Variants in ZNF737 observed in about 807,000 individuals in gnomAD.
The protein encoded by ZNF737 is zinc finger protein 102 (Y3).
A neutral mutation model predicts 11.7 loss-of-function variants in ZNF737; 13 were observed. That is an observed-to-expected ratio of 1.11 (90% CI 0.73 to 1.77). The LOEUF (loss-of-function observed/expected upper bound fraction) is 1.77, where lower values mean the gene tolerates loss of function less well. Ranked by LOEUF, ZNF737 falls within the 40% of genes most tolerant of loss-of-function variation. The probability of loss-of-function intolerance (pLI) is 0.00; values close to 1 mark genes in which losing one functional copy is unlikely to be tolerated. For synonymous variants in ZNF737, 217 were observed against 216.2 expected, an observed-to-expected ratio of 1.00 and a Z score of -0.03; for missense variants, 636 against 638.0, an observed-to-expected ratio of 1.00 and a Z score of 0.03.
At chr19:20,546,014 A>T (rs782107906) in intron 3 of ZNF737, 38 bp from the exon 4 acceptor site, 1 of 1,522,254 alleles carries the variant, frequency 6.6e-7, no homozygotes, top group South Asian at 1.4e-5. Context: ...TTCAATTGGT[A>T]GACTCAGATA....
At chr19:20,533,448 C>T (rs1967878346), downstream of ZNF737, among the ~76,000 whole-genome samples, 1 of 149,632 alleles carries the variant, frequency 6.7e-6, no homozygotes, top group Non-Finnish European at 1.5e-5. Context: ...AATATACATA[C>T]ATGGTAGATA....
At chr19:20,556,624 C>T (rs780408328) in intron 1 of ZNF737, among the ~76,000 whole-genome samples, 119 of 152,324 alleles carry the variant, frequency 7.8e-4, no homozygotes, top group Non-Finnish European at 1.5e-3. Context: ...GAAGCAGTCA[C>T]AGCACATAGT....
downstream of ZNF737, among the ~76,000 whole-genome samples, chr19:20,530,975 T>C (rs181811085): frequency 0.044 from 6,507 of 149,068 alleles, 802 homozygotes; most frequent in African/African-American, 0.15. Context: ...TCTGCAATCC[T>C]GGCACCTCAG....
Position 20,543,243 on chromosome 19 carries a change from C to T in ZNF737, c.*1349G>A. On this transcript the variant is annotated 3_prime_UTR_variant, in exon 4 of 4. Transcript: ENST00000427401. Reference sequence around the variant, plus strand: ...TTCTAAACTTAATACATTTGTAGGACTCATCTCCAATATAAATTCCCTGAT... The same window carrying T: ...TTCTAAACTTAATACATTTGTAGGATTCATCTCCAATATAAATTCCCTGAT... The T allele has an allele frequency of 1.0e-6, 1 of 985,356 alleles. No homozygotes were observed. Among genetic ancestry groups the T allele is most frequent in the South Asian group, 4.7e-5 (1 of 21,280 alleles). 61.0% of individuals were successfully genotyped at this position (985,356 alleles called of 1,614,324 possible).
In ZNF737 at chr19:20,541,014, T is replaced by TTTTA; in HGVS notation, c.*3574_*3577dup. 1.0e-6 allele frequency: 1 copy of TTTTA among 985,224 alleles called. No individual in the cohort carries two copies. Among genetic ancestry groups the TTTTA allele is most frequent in the Non-Finnish European group, 1.2e-6 (1 of 829,808 alleles). The allele number at this position is 985,224 out of a possible 1,614,324, so 61.0% of individuals were successfully genotyped here. A position where few individuals can be genotyped will look rare whatever the true frequency, so the allele number is the denominator to read the frequency against. The stretch of plus-strand genomic sequence containing the variant: ...TTTTTTTTTCCTGTTTTAAGAGGGC[T>TTTTA]TTTATTATTGTACTCAAGAGAGTTG... On this transcript the variant is annotated 3_prime_UTR_variant, in exon 4 of 4. Coordinates refer to ENST00000427401, the MANE Select transcript of ZNF737 (RefSeq NM_001159293.2).
rs1271101110 is a variant in ZNF737, at chr19:20,541,909, G to C, written c.*2683C>G. 4 of 530,232 alleles carry C rather than the reference G, an allele frequency of 7.5e-6. No homozygotes were observed. The highest frequency in any genetic ancestry group is 9.6e-6 in the Non-Finnish European group (4 of 414,740). The allele number at this position is 530,232 out of a possible 1,614,324, so 32.8% of individuals were successfully genotyped here. On this transcript the variant is annotated 3_prime_UTR_variant, in exon 4 of 4. Transcript: ENST00000427401. ...ATAATGTAATTACTACATATTGTAG[G>C]CCTGAGTCAAAAGATGCCATATAAG...
chr19:20,547,206 C>A (rs1291786039), intron 3 of ZNF737, among the ~76,000 whole-genome samples: 2 of 151,612 alleles, frequency 1.3e-5, no homozygotes. Flanking sequence ...ATAGTGAAAC[C>A]CCATCTCTAC....
chr19:20,538,151 G>T lies in ZNF737; in HGVS notation c.*6441C>A. 2.6e-6 allele frequency: 1 copy of T among 388,002 alleles called. No individual in the cohort carries two copies. Among genetic ancestry groups the T allele is most frequent in the Non-Finnish European group, 3.5e-6 (1 of 284,026 alleles). 24.0% of individuals were successfully genotyped at this position (388,002 alleles called of 1,614,324 possible). A position where few individuals can be genotyped will look rare whatever the true frequency, so the allele number is the denominator to read the frequency against. The stretch of plus-strand genomic sequence containing the variant: ...TAATTATGAATAGTAACTTCTCTTA[G>T]AAGCAAAGTTTATTCAAAGACCTGT... On this transcript the variant is annotated 3_prime_UTR_variant, in exon 4 of 4. Coordinates refer to ENST00000427401, the MANE Select transcript of ZNF737 (RefSeq NM_001159293.2).
Position 20,542,567 on chromosome 19 carries a change from A to G in ZNF737, c.*2025T>C, listed in dbSNP as rs190054976. ...TAAAATGCACTGCATTTTATTACAT[A>G]AAAGTACAAGTAGTAAAGTAATATA... On this transcript the variant is annotated 3_prime_UTR_variant, in exon 4 of 4. Coordinates refer to ENST00000427401, the MANE Select transcript of ZNF737 (RefSeq NM_001159293.2). 6 of 981,646 alleles carry G rather than the reference A, an allele frequency of 6.1e-6. No individual in the cohort carries two copies. In the East Asian group the frequency reaches 5.7e-4, roughly 93 times the overall value. 60.8% of individuals were successfully genotyped at this position (981,646 alleles called of 1,614,324 possible). A position where few individuals can be genotyped will look rare whatever the true frequency, so the allele number is the denominator to read the frequency against.
downstream of ZNF737, among the ~76,000 whole-genome samples, chr19:20,537,191 G>GTT (rs113521016): frequency 0.019 from 2,711 of 146,144 alleles, 84 homozygotes; most frequent in African/African-American, 0.062. Context: ...TAAGGTACTG[G>GTT]TTTTTTTTTT....
Position 20,538,605 on chromosome 19 carries a change from T to G in ZNF737, c.*5987A>C. On this transcript the variant is annotated 3_prime_UTR_variant, in exon 4 of 4. Coordinates refer to ENST00000427401, the MANE Select transcript of ZNF737 (RefSeq NM_001159293.2). ...AAGAAAAATTAAATTTATTTTCAAG[T>G]GCTATTTCTTTACAGCTCCAGAGAA... 1.0e-6 allele frequency: 1 copy of G among 969,946 alleles called. No individual in the cohort carries two copies. The highest frequency in any genetic ancestry group is 1.2e-6 in the Non-Finnish European group (1 of 815,838). 60.1% of individuals were successfully genotyped at this position (969,946 alleles called of 1,614,324 possible).
rs1421217932 is a variant in ZNF737 at position 20,542,163 on chromosome 19, T to G, written c.*2429A>C. 1.0e-6 allele frequency: 1 copy of G among 984,966 alleles called. No individual in the cohort carries two copies. The highest frequency in any genetic ancestry group is 1.2e-6 in the Non-Finnish European group (1 of 829,682). The allele number at this position is 984,966 out of a possible 1,614,324, so 61.0% of individuals were successfully genotyped here. A position where few individuals can be genotyped will look rare whatever the true frequency, so the allele number is the denominator to read the frequency against. On this transcript the variant is annotated 3_prime_UTR_variant, in exon 4 of 4. Transcript: ENST00000427401. ...ATACAGTTAGTGGCACAATAATGGT[T>G]CATTAAACGCACGGTAGTCTTACCA...
At chr19:20,560,404 A>T (rs1237290033) in intron 1 of ZNF737, among the ~76,000 whole-genome samples, 3 of 143,162 alleles carry the variant, frequency 2.1e-5, no homozygotes, top group Middle Eastern at 3.6e-3. Context: ...TATAAACCTC[A>T]TGGAATACTC....
In ZNF737 at chr19:20,538,864, T is replaced by A; in HGVS notation, c.*5728A>T. The stretch of plus-strand genomic sequence containing the variant: ...TGGCATCTGTTACCCATTAATTTTA[T>A]ACATTTGCTTTTTTGAAAAACAAAT... On this transcript the variant is annotated 3_prime_UTR_variant, in exon 4 of 4. Transcript: ENST00000427401. 1.0e-6 allele frequency: 1 copy of A among 985,296 alleles called. No individual in the cohort carries two copies. Among genetic ancestry groups the A allele is most frequent in the African/African-American group, 1.7e-5 (1 of 57,362 alleles). 61.0% of individuals were successfully genotyped at this position (985,296 alleles called of 1,614,324 possible). A position where few individuals can be genotyped will look rare whatever the true frequency, so the allele number is the denominator to read the frequency against.
rs1968226475 is a variant in ZNF737 at position 20,542,005 on chromosome 19, TTAATC to T, written c.*2582_*2586del. 3.1e-6 allele frequency: 3 copies of T among 983,220 alleles called. No homozygotes were observed. Among genetic ancestry groups the T allele is most frequent in the Non-Finnish European group, 3.6e-6 (3 of 828,048 alleles). 60.9% of individuals were successfully genotyped at this position (983,220 alleles called of 1,614,324 possible). A position where few individuals can be genotyped will look rare whatever the true frequency, so the allele number is the denominator to read the frequency against. ...AATTTAAATAATAAAGAGTCAAAAT[TTAATC>T]TATGGGAACAATATTTAACTCATTT... On this transcript the variant is annotated 3_prime_UTR_variant, in exon 4 of 4. Coordinates refer to ENST00000427401, the MANE Select transcript of ZNF737 (RefSeq NM_001159293.2).
At chr19:20,533,104 TAAAAG>T (rs1967869335), downstream of ZNF737, among the ~76,000 whole-genome samples, 1 of 149,910 alleles carries the variant, frequency 6.7e-6, no homozygotes, top group Admixed American at 6.6e-5. Context: ...CATACAACAA[TAAAAG>T]AAAAGTCAAT....
In ZNF737 at chr19:20,542,190, G is replaced by C; in HGVS notation, c.*2402C>G. On this transcript the variant is annotated 3_prime_UTR_variant, in exon 4 of 4. Transcript: ENST00000427401. ...ATTAAACGCACGGTAGTCTTACCAT[G>C]GTAAAAATAAAATAAAATTAAGTTC... is the stretch of plus-strand genomic sequence containing the variant. The C allele has an allele frequency of 1.0e-6, 1 of 984,186 alleles. No homozygotes were observed. Among genetic ancestry groups the C allele is most frequent in the East Asian group, 1.1e-4 (1 of 8,788 alleles). The allele number at this position is 984,186 out of a possible 1,614,324, so 61.0% of individuals were successfully genotyped here. A position where few individuals can be genotyped will look rare whatever the true frequency, so the allele number is the denominator to read the frequency against.
At chr19:20,561,466 C>T (rs575962975) in intron 1 of ZNF737, among the ~76,000 whole-genome samples, 1 of 152,148 alleles carries the variant, frequency 6.6e-6, no homozygotes, top group African/African-American at 2.4e-5. Flanking sequence ...CATCAGAGCT[C>T]CTTTCTTCTA....
intron 3 of ZNF737, among the ~76,000 whole-genome samples, chr19:20,550,124 G>A (rs115729756): frequency 0.017 from 2,621 of 152,174 alleles, 77 homozygotes; most frequent in African/African-American, 0.06. Context: ...TCCTTTTAAT[G>A]TCTTAAATAT....
Sources: allele counts gnomAD v4.1 joint callset (sites outside exome capture counted in the v4.1 genomes callset), GRCh38; gene constraint gnomAD v4.1.1; transcripts MANE v1.5; gene names NCBI Gene and HGNC (gene_info 2026-07-23, HGNC 2026-07-21).